Variants in DRC9 observed in about 807,000 individuals in gnomAD.
The protein encoded by DRC9 is dynein regulatory complex subunit 9, also known as dynein regulatory complex protein 9.
At chr3:197,889,937 AAAG>A in the DRC9 span, among the ~76,000 whole-genome samples, 14 of 152,210 alleles carry the variant, frequency 9.2e-5, no homozygotes, top group Non-Finnish European at 1.9e-4. Context: ...AAGTAAAAAT[AAAG>A]AAAAGGAATC....
At chr3:197,951,250 G>A in the DRC9 span, 1 of 1,614,122 alleles carries the variant, frequency 6.2e-7, no homozygotes, top group Non-Finnish European at 8.5e-7. Context: ...AGGTGTTTAC[G>A]CCCGAGATGA....
At chr3:197,937,080 T>A in the DRC9 span, among the ~76,000 whole-genome samples, 1 of 152,198 alleles carries the variant, frequency 6.6e-6, no homozygotes, top group South Asian at 2.1e-4. Flanking sequence ...AGGCAACGTA[T>A]AAACAAATGG....
At chr3:197,890,563 T>C in the DRC9 span, among the ~76,000 whole-genome samples, 2 of 152,206 alleles carry the variant, frequency 1.3e-5, no homozygotes, top group African/African-American at 4.8e-5. Context: ...TAGATAACAG[T>C]TGTTCTCAAT....
At chr3:197,927,593 T>C in the DRC9 span, among the ~76,000 whole-genome samples, 8 of 152,204 alleles carry the variant, frequency 5.3e-5, no homozygotes, top group Admixed American at 4.6e-4. Flanking sequence ...AAACAAACTA[T>C]AGATTATGTA....
At chr3:197,941,240 CCCTG>C in the DRC9 span, among the ~76,000 whole-genome samples, 1 of 128,006 alleles carries the variant, frequency 7.8e-6, no homozygotes, top group Non-Finnish European at 1.7e-5. Context: ...CCTTCCCTCT[CCCTG>C]CCCTCCCTTC....
chr3:197,950,866 T>G, the DRC9 span: 2 of 1,479,540 alleles, frequency 1.4e-6, no homozygotes. Flanking sequence ...TTTAGGGGCT[T>G]AAACGAGAGG....
chr3:197,950,630 T>A, the DRC9 span: 10 of 445,190 alleles, frequency 2.2e-5, no homozygotes, highest in Non-Finnish European at 4.0e-5. Context: ...GCTTCATTTC[T>A]TTTCCTGAGT....
At chr3:197,935,865 T>C in the DRC9 span, among the ~76,000 whole-genome samples, 2 of 152,114 alleles carry the variant, frequency 1.3e-5, no homozygotes, top group African/African-American at 4.8e-5. Context: ...AAAGCCAACC[T>C]CCTCTGCCCA....
the DRC9 span, chr3:197,889,853 G>A: frequency 1.2e-4 from 113 of 968,312 alleles, no homozygotes; most frequent in East Asian, 2.5e-3. Context: ...AGCCAGGCAC[G>A]TAATCACTTC....
At chr3:197,951,201 C>G in the DRC9 span, 2 of 1,614,062 alleles carry the variant, frequency 1.2e-6, no homozygotes, top group Middle Eastern at 1.6e-4. Context: ...AGCGGGGTCT[C>G]CGGAACCAAA....
chr3:197,889,829 C>T, the DRC9 span: 1 of 1,265,734 alleles, frequency 7.9e-7, no homozygotes, highest in African/African-American at 1.5e-5. Flanking sequence ...AGTCTCTCTC[C>T]AGGACATGGA....
the DRC9 span, among the ~76,000 whole-genome samples, chr3:197,947,068 C>T: frequency 6.6e-6 from 1 of 152,190 alleles, no homozygotes; most frequent in Non-Finnish European, 1.5e-5. Flanking sequence ...GCCTCAGTCT[C>T]CCAAAGTGTT....
chr3:197,925,587 G>GTTTTTT, the DRC9 span, among the ~76,000 whole-genome samples: 1 of 127,582 alleles, frequency 7.8e-6, no homozygotes, highest in Non-Finnish European at 1.6e-5. Flanking sequence ...TATATCTTCT[G>GTTTTTT]TTTTTTTTTT....
At chr3:197,903,491 C>T in the DRC9 span, among the ~76,000 whole-genome samples, 1 of 151,976 alleles carries the variant, frequency 6.6e-6, no homozygotes. Flanking sequence ...CAAAAATTAG[C>T]CGGGCATGGC....
chr3:197,927,090 G>A, the DRC9 span, among the ~76,000 whole-genome samples: 1 of 152,074 alleles, frequency 6.6e-6, no homozygotes, highest in African/African-American at 2.4e-5. Context: ...CTTCTCTCCA[G>A]CAATCCCATT....
At chr3:197,889,648 T>C in the DRC9 span, 2 of 1,614,248 alleles carry the variant, frequency 1.2e-6, no homozygotes, top group South Asian at 2.2e-5. Context: ...CTATCAACTT[T>C]GTCTTTAGGC....
chr3:197,890,602 A>G, the DRC9 span, among the ~76,000 whole-genome samples: 1 of 152,220 alleles, frequency 6.6e-6, no homozygotes, highest in Admixed American at 6.5e-5. Context: ...AAGTCAGACT[A>G]AACCCTAAAG....
At chr3:197,928,483 G>C in the DRC9 span, among the ~76,000 whole-genome samples, 20 of 151,744 alleles carry the variant, frequency 1.3e-4, no homozygotes, top group African/African-American at 4.4e-4. Context: ...TGAGTAGCTG[G>C]GGACTACAGG....
the DRC9 span, among the ~76,000 whole-genome samples, chr3:197,902,250 T>C: frequency 6.6e-6 from 1 of 152,046 alleles, no homozygotes; most frequent in Admixed American, 6.6e-5. Flanking sequence ...GAAGGATGAG[T>C]ACAAATAAAC....
Sources: allele counts gnomAD v4.1 joint callset (sites outside exome capture counted in the v4.1 genomes callset), GRCh38; gene constraint gnomAD v4.1.1; transcripts MANE v1.5; gene names NCBI Gene and HGNC (gene_info 2026-07-23, HGNC 2026-07-21).